CTDP1: variants seen among roughly 807,000 people sequenced by gnomAD.
CTDP1 encodes the protein RNA polymerase II subunit A C-terminal domain phosphatase.
Under a neutral mutation model 91.8 loss-of-function variants are expected in CTDP1, and 47 were observed. That is an observed-to-expected ratio of 0.51 (90% confidence interval 0.41 to 0.65). The LOEUF is 0.65. Among genes scored for constraint, CTDP1 ranks in the 30% least tolerant of loss-of-function variants. The pLI is 0.00. For synonymous variants in CTDP1, 656 were observed against 598.5 expected, an observed-to-expected ratio of 1.10 and a Z score of -1.40; for missense variants, 1,272 against 1,373.7, an observed-to-expected ratio of 0.93 and a Z score of 1.17.
upstream of CTDP1, chr18:79,679,030 T>C: frequency 4.4e-6 from 1 of 227,406 alleles, no homozygotes. Flanking sequence ...ACGTAGAAAG[T>C]GGCTCCTTTA....
intron 11 of CTDP1, among the ~76,000 whole-genome samples, chr18:79,729,704 G>T (rs1184137750): frequency 1.3e-5 from 2 of 152,222 alleles, no homozygotes; most frequent in Non-Finnish European, 2.9e-5. Context: ...CTGATAGAAG[G>T]TTCCACAACA....
At position 79,694,407 on chromosome 18, in the gene CTDP1, C is replaced by G. The variant is rs56129038; in HGVS notation, c.315-818C>G. ...CGGGCAGCCTCGTGTCCGCGGGGCG[C>G]GGTGGTCGGAGCAGCCCGGCTGGGA... On this transcript the variant is annotated intron_variant, in intron 1 of 12. Coordinates refer to ENST00000613122, the MANE Select transcript of CTDP1 (RefSeq NM_004715.5). Among the ~76,000 whole-genome samples, 314 of 34,466 alleles carry G rather than the reference C, an allele frequency of 9.1e-3. 14 individuals are homozygous for G. Among genetic ancestry groups the G allele is most frequent in the African/African-American group, 0.023 (237 of 10,234 alleles). 22.6% of individuals were successfully genotyped at this position (34,466 alleles called of 152,430 possible).
intron 10 of CTDP1, among the ~76,000 whole-genome samples, chr18:79,725,708 C>A (rs2086432051): frequency 6.6e-6 from 1 of 152,084 alleles, no homozygotes; most frequent in African/African-American, 2.4e-5. Context: ...TCCCTTCCCT[C>A]CCGACCTGAC....
At chr18:79,722,654 T>C (rs2086367594) in intron 10 of CTDP1, among the ~76,000 whole-genome samples, 1 of 152,182 alleles carries the variant, frequency 6.6e-6, no homozygotes, top group Non-Finnish European at 1.5e-5. Context: ...TCCCTTCACT[T>C]GTACGTGTTG....
chr18:79,695,654 A>G (rs2085731525), intron 2 of CTDP1, among the ~76,000 whole-genome samples: 1 of 152,070 alleles, frequency 6.6e-6, no homozygotes, highest in South Asian at 2.1e-4. Context: ...CTTTACCTCT[A>G]ATGCCAAGTG....
intron 6 of CTDP1, among the ~76,000 whole-genome samples, chr18:79,711,137 G>T (rs894012178): frequency 6.6e-6 from 1 of 152,062 alleles, no homozygotes; most frequent in Non-Finnish European, 1.5e-5. Context: ...ATGTCAGCCC[G>T]CCACCTGACG....
intron 12 of CTDP1, among the ~76,000 whole-genome samples, chr18:79,749,066 C>G (rs1369474883): frequency 6.6e-6 from 1 of 152,220 alleles, no homozygotes; most frequent in Non-Finnish European, 1.5e-5. Flanking sequence ...CAACAGCACT[C>G]TGGGTGTTTT....
intron 10 of CTDP1, among the ~76,000 whole-genome samples, chr18:79,724,296 C>T (rs2086402909): frequency 6.6e-6 from 1 of 152,230 alleles, no homozygotes. Flanking sequence ...GATGCTTAAC[C>T]TATCTAAGTT....
At chr18:79,741,080 C>T (rs901477939) in intron 12 of CTDP1, among the ~76,000 whole-genome samples, 1 of 148,342 alleles carries the variant, frequency 6.7e-6, no homozygotes, top group Non-Finnish European at 1.5e-5. Context: ...TGATCTGTCC[C>T]TTAGCCCATG....
chr18:79,698,866 G>A (rs558460484), intron 4 of CTDP1, among the ~76,000 whole-genome samples: 11 of 152,264 alleles, frequency 7.2e-5, no homozygotes, highest in Admixed American at 1.3e-4. Flanking sequence ...GCTGAATGCC[G>A]GGGCGTGGTA....
At chr18:79,711,281 C>A (rs2122602511) in intron 6 of CTDP1, among the ~76,000 whole-genome samples, 1 of 152,308 alleles carries the variant, frequency 6.6e-6, no homozygotes, top group African/African-American at 2.4e-5. Context: ...CCTTGACCTC[C>A]AAATTTTCAT....
At chr18:79,740,498 C>T (rs1027285960) in intron 12 of CTDP1, among the ~76,000 whole-genome samples, 2 of 152,158 alleles carry the variant, frequency 1.3e-5, no homozygotes, top group East Asian at 1.9e-4. Flanking sequence ...TTGCTTGTAA[C>T]GAAGTAAATG....
Position 79,748,944 on chromosome 18 carries a change from T to C in CTDP1, c.2748-4708T>C, listed in dbSNP as rs553383159. 6.2e-4 allele frequency among the ~76,000 whole-genome samples: 95 copies of C among 152,214 alleles called. 1 individual carries two copies. In the South Asian group the frequency reaches 0.013, roughly 21 times the overall value. On this transcript the variant is annotated intron_variant, in intron 12 of 12. Coordinates refer to ENST00000613122, the MANE Select transcript of CTDP1 (RefSeq NM_004715.5). The stretch of plus-strand genomic sequence containing the variant: ...TCTGTGTGTGAGCCGTGTTGGTGCA[T>C]GTGCACAGGGCTCTCCAGCGGGAGC...
At chr18:79,731,429 G>A (rs72976144) in intron 11 of CTDP1, among the ~76,000 whole-genome samples, 19,146 of 152,196 alleles carry the variant, frequency 0.13, 1,586 homozygotes, top group Non-Finnish European at 0.19. Flanking sequence ...GGGCTTCCCC[G>A]CCCCTCATGT....
At chr18:79,719,386 C>A (rs115931608) in intron 10 of CTDP1, among the ~76,000 whole-genome samples, 1 of 151,610 alleles carries the variant, frequency 6.6e-6, no homozygotes, top group Non-Finnish European at 1.5e-5. Flanking sequence ...AGCCTGGCGA[C>A]GCTCTGGGAC....
chr18:79,726,148 T>A (rs914052798), intron 10 of CTDP1, among the ~76,000 whole-genome samples: 1 of 152,228 alleles, frequency 6.6e-6, no homozygotes, highest in African/African-American at 2.4e-5. Context: ...TTTTTGTATC[T>A]CGTGCATCTC....
chr18:79,727,740 C>T (rs188056219), intron 10 of CTDP1, among the ~76,000 whole-genome samples: 138 of 152,256 alleles, frequency 9.1e-4, no homozygotes, highest in African/African-American at 3.2e-3. Context: ...CCTTCATCCT[C>T]GTGCCTGTCC....
At chr18:79,689,823 C>T (rs1211309871) in intron 1 of CTDP1, among the ~76,000 whole-genome samples, 1 of 152,148 alleles carries the variant, frequency 6.6e-6, no homozygotes, top group Non-Finnish European at 1.5e-5. Flanking sequence ...CTCATGGTTT[C>T]TTATTTAATG....
intron 3 of CTDP1, among the ~76,000 whole-genome samples, chr18:79,696,548 C>T (rs2085752178): frequency 6.6e-6 from 1 of 152,098 alleles, no homozygotes; most frequent in Non-Finnish European, 1.5e-5. Flanking sequence ...TGGTTGGTAG[C>T]ACCTTGTTGG....
Sources: allele counts gnomAD v4.1 joint callset (sites outside exome capture counted in the v4.1 genomes callset), GRCh38; gene constraint gnomAD v4.1.1; transcripts MANE v1.5; gene names NCBI Gene and HGNC (gene_info 2026-07-23, HGNC 2026-07-21).